The following ZNF420 variants were observed in gnomAD, a reference collection of about 807,000 sequenced individuals.
ZNF420 encodes the protein zinc finger protein 420, also known as ATM and p53-associated KZNF protein.
In ZNF420, 31 loss-of-function variants were observed where a neutral mutation model predicts 44.7. That is an observed-to-expected ratio of 0.69 (90% CI 0.52 to 0.94). ZNF420 has a LOEUF of 0.94. Ranked by LOEUF, ZNF420 falls within the 40% of genes least tolerant of loss-of-function variation. The probability of loss-of-function intolerance (pLI) is 0.00; values close to 1 mark genes in which losing one functional copy is unlikely to be tolerated. For missense variants in ZNF420, 681 were observed against 827.9 expected, an observed-to-expected ratio of 0.82 and a Z score of 2.18; for synonymous variants, 245 against 267.4, an observed-to-expected ratio of 0.92 and a Z score of 0.82.
intron 1 of ZNF420, among the ~76,000 whole-genome samples, chr19:37,027,112 C>T (rs2551067): frequency 0.024 from 3,671 of 152,258 alleles, 158 homozygotes; most frequent in African/African-American, 0.083. Context: ...AATCCTCTTT[C>T]ATTTTATTTT....
chr19:37,012,732 G>C (rs1417336538), intron 1 of ZNF420, among the ~76,000 whole-genome samples: 3 of 151,530 alleles, frequency 2.0e-5, no homozygotes, highest in South Asian at 2.1e-4. Context: ...GGGTTGCCTG[G>C]GGGGGTGTGC....
chr19:37,061,143 C>T (rs919942130), intron 1 of ZNF420, among the ~76,000 whole-genome samples: 1 of 152,146 alleles, frequency 6.6e-6, no homozygotes, highest in Admixed American at 6.5e-5. Flanking sequence ...GCCATCGCCC[C>T]GTATGCCCTC....
chr19:37,021,936 C>CAAAAAAAAAAAAAA (rs60559933), intron 1 of ZNF420, among the ~76,000 whole-genome samples: 33 of 84,590 alleles, frequency 3.9e-4, no homozygotes, highest in Non-Finnish European at 5.0e-4. Flanking sequence ...CAGTCTGTCT[C>CAAAAAAAAAAAAAA]AAAAAAAAAA....
At chr19:37,052,232 C>T (rs1223702471) in intron 1 of ZNF420, among the ~76,000 whole-genome samples, 6 of 152,072 alleles carry the variant, frequency 3.9e-5, no homozygotes, top group Admixed American at 1.3e-4. Flanking sequence ...TCCTCCATCC[C>T]TTTATTTTGA....
chr19:37,127,559 A>G lies in ZNF420; in HGVS notation c.568A>G (p.Thr190Ala), dbSNP rs756613501. The part of the protein sequence containing the change: ...SQLSLHQRLH[T>A]GEKPYACKEC... ...ACTCAGTCTTCATCAGAGACTTCATACTGGTGAGAAACCCTATGCATGTAA... is the reference window on the plus strand; with the variant it reads ...ACTCAGTCTTCATCAGAGACTTCATGCTGGTGAGAAACCCTATGCATGTAA... The change falls in exon 5 of 5, where the codon ACT becomes GCT. Residue 190 changes from threonine to alanine, a missense_variant. By Grantham distance (58) the Thr-to-Ala change is moderately conservative. Transcript: ENST00000337995. 1.2e-6 allele frequency: 2 copies of G among 1,613,906 alleles called. No homozygotes were observed. Among genetic ancestry groups the G allele is most frequent in the Non-Finnish European group, 1.7e-6 (2 of 1,179,884 alleles).
chr19:37,073,002 G>T (rs1013418624), intron 1 of ZNF420, among the ~76,000 whole-genome samples: 1 of 152,180 alleles, frequency 6.6e-6, no homozygotes, highest in Admixed American at 6.5e-5. Flanking sequence ...CATTTGAAAA[G>T]ATATGTGTTT....
At chr19:37,100,867 A>C (rs762516759) in intron 4 of ZNF420, among the ~76,000 whole-genome samples, 1 of 152,188 alleles carries the variant, frequency 6.6e-6, no homozygotes, top group Non-Finnish European at 1.5e-5. Flanking sequence ...GGACATTTTA[A>C]CAATGTTAAT....
upstream of ZNF420, among the ~76,000 whole-genome samples, chr19:37,076,203 C>T (rs182993650): frequency 7.2e-5 from 11 of 151,898 alleles, no homozygotes; most frequent in Non-Finnish European, 1.0e-4. Context: ...AAGCACTCAT[C>T]GTAACTATTC....
chr19:37,099,677 G>T (rs10410905), intron 4 of ZNF420, among the ~76,000 whole-genome samples: 24,546 of 152,052 alleles, frequency 0.16, 2,097 homozygotes, highest in African/African-American at 0.23. Flanking sequence ...AGGCTGGAGT[G>T]CAGTGGTGCA....
At chr19:37,057,537 T>G (rs1393164771) in intron 1 of ZNF420, among the ~76,000 whole-genome samples, 1 of 152,166 alleles carries the variant, frequency 6.6e-6, no homozygotes, top group Non-Finnish European at 1.5e-5. Context: ...TGTGGGTGTG[T>G]GTGTTGGGAT....
chr19:37,110,929 C>A (rs894452295), intron 4 of ZNF420, among the ~76,000 whole-genome samples: 9 of 152,160 alleles, frequency 5.9e-5, no homozygotes, highest in Non-Finnish European at 1.2e-4. Flanking sequence ...CCCACAAAAT[C>A]AGCAAGACCA....
At chr19:37,072,321 G>A (rs1304569848) in intron 1 of ZNF420, among the ~76,000 whole-genome samples, 1 of 152,160 alleles carries the variant, frequency 6.6e-6, no homozygotes, top group Non-Finnish European at 1.5e-5. Context: ...ATCCTAGGAA[G>A]GGCTAAAGAA....
intron 1 of ZNF420, among the ~76,000 whole-genome samples, chr19:37,056,480 C>T (rs563724904): frequency 4.6e-5 from 7 of 152,290 alleles, no homozygotes; most frequent in South Asian, 4.1e-4. Context: ...ACCTTGGACT[C>T]GCCCCTGTCC....
intron 1 of ZNF420, among the ~76,000 whole-genome samples, chr19:37,056,116 C>G (rs554459303): frequency 1.1e-3 from 160 of 151,882 alleles, no homozygotes; most frequent in African/African-American, 3.8e-3. Context: ...CTTTCTCTTT[C>G]TGTGTGGCAG....
intron 4 of ZNF420, chr19:37,092,989 T>C (rs1484697736): frequency 6.6e-6 from 1 of 152,134 alleles, no homozygotes; most frequent in African/African-American, 2.4e-5. Flanking sequence ...CTTGGAAACA[T>C]GCTATAAAGA....
intron 1 of ZNF420, among the ~76,000 whole-genome samples, chr19:37,033,178 AATTTTT>A (rs928429731): frequency 1.1e-3 from 163 of 152,304 alleles, no homozygotes; most frequent in African/African-American, 3.9e-3. Context: ...AAAAAGCTTT[AATTTTT>A]ATTGTGGCAA....
intron 1 of ZNF420, among the ~76,000 whole-genome samples, chr19:37,043,274 G>T (rs746837212): frequency 7.9e-5 from 12 of 152,198 alleles, no homozygotes; most frequent in Non-Finnish European, 1.3e-4. Context: ...TATCTGCAAA[G>T]TGTAACAACA....
At chr19:37,073,751 G>GAAAAAAAAA (rs71177422), upstream of ZNF420, among the ~76,000 whole-genome samples, 3 of 100,588 alleles carry the variant, frequency 3.0e-5, no homozygotes, top group African/African-American at 1.0e-4. Context: ...CCTGAAAAAA[G>GAAAAAAAAA]AAAAAAAAAA....
chr19:37,112,969 C>A (rs1329500578), intron 4 of ZNF420, among the ~76,000 whole-genome samples: 1 of 152,194 alleles, frequency 6.6e-6, no homozygotes, highest in Non-Finnish European at 1.5e-5. Flanking sequence ...TGCTGCACTG[C>A]CGCTTGTGGC....
Sources: gnomAD v4.1 joint callset for allele counts (sites outside exome capture counted in the v4.1 genomes callset) on GRCh38, gnomAD v4.1.1 for gene constraint, MANE v1.5 for transcripts, NCBI Gene and HGNC (gene_info 2026-07-23, HGNC 2026-07-21) for gene names.